The following EDNRB variants were observed in gnomAD, a reference collection of about 807,000 sequenced individuals.
EDNRB encodes endothelin receptor type B.
Under a neutral mutation model 46.4 loss-of-function variants are expected in EDNRB, and 18 were observed. The ratio of observed to expected loss-of-function variants is 0.39; its 90% CI spans 0.27 to 0.57. The LOEUF is 0.57. Among genes scored for constraint, EDNRB ranks in the 20% least tolerant of loss-of-function variants. The pLI, the probability that EDNRB is intolerant of heterozygous loss-of-function variation, is 0.61. For missense variants in EDNRB, 434 were observed against 537.5 expected (o/e 0.81, Z 1.90); for synonymous variants, 213 against 204.9 (o/e 1.04, Z -0.34).
intron 1 of EDNRB, among the ~76,000 whole-genome samples, chr13:77,930,738 T>C (rs1240785218): frequency 6.6e-6 from 1 of 152,214 alleles, no homozygotes; most frequent in Non-Finnish European, 1.5e-5. Context: ...TTTATTGATA[T>C]ATCTGCAATA....
intron 1 of EDNRB, among the ~76,000 whole-genome samples, chr13:77,904,441 A>G (rs1879170518): frequency 6.6e-6 from 1 of 151,878 alleles, no homozygotes; most frequent in Admixed American, 6.6e-5. Flanking sequence ...AAGACAGACT[A>G]TGAGCTCCAC....
chr13:77,899,083 C>T (rs1256132142), intron 6 of EDNRB, among the ~76,000 whole-genome samples: 4 of 151,764 alleles, frequency 2.6e-5, no homozygotes. Context: ...GAGAAGTCCA[C>T]TGTTTTATGT....
rs1426959410 is a variant in EDNRB at position 77,933,254 on chromosome 13, C to CA, written c.-51-14631dup. ...GCGTCCGTGTGAAGAGACCACCAAA[C>CA]AGGCTTTGTGTGAGCAATAAAGCTT... On this transcript the variant is annotated intron_variant, in intron 1 of 7. Coordinates refer to the EDNRB transcript ENST00000646948. 9.2e-5 allele frequency among the ~76,000 whole-genome samples: 14 copies of CA among 152,314 alleles called. No homozygotes were observed. The East Asian group carries it at 2.1e-3, about 23-fold the overall frequency.
intron 1 of EDNRB, among the ~76,000 whole-genome samples, chr13:77,945,893 A>T (rs200804476): frequency 7.2e-6 from 1 of 139,070 alleles, no homozygotes; most frequent in Non-Finnish European, 1.6e-5. Context: ...AAAAAAAAAA[A>T]CAAAAAAAAC....
At chr13:77,962,930 G>A (rs559884757) in intron 1 of EDNRB, among the ~76,000 whole-genome samples, 19 of 152,220 alleles carry the variant, frequency 1.2e-4, no homozygotes, top group African/African-American at 4.6e-4. Context: ...AAAGTCTCAG[G>A]ATACAAAATC....
At chr13:77,926,944 G>A (rs1240092123) in intron 1 of EDNRB, among the ~76,000 whole-genome samples, 1 of 152,196 alleles carries the variant, frequency 6.6e-6, no homozygotes, top group Non-Finnish European at 1.5e-5. Context: ...AGAAACCTGT[G>A]ATAAAACCAT....
chr13:77,908,445 A>T (rs62878560), intron 1 of EDNRB, among the ~76,000 whole-genome samples: 3 of 139,832 alleles, frequency 2.1e-5, no homozygotes, highest in African/African-American at 8.0e-5. Flanking sequence ...AAAAAAAAAA[A>T]TTCACTCTCA....
chr13:77,974,227 A>C (rs1881819204), intron 1 of EDNRB, among the ~76,000 whole-genome samples: 1 of 151,994 alleles, frequency 6.6e-6, no homozygotes, highest in African/African-American at 2.4e-5. Context: ...TTAGTAAGCT[A>C]CTTTTTTGCT....
At chr13:77,928,637 A>C (rs772874295) in intron 1 of EDNRB, among the ~76,000 whole-genome samples, 1 of 152,226 alleles carries the variant, frequency 6.6e-6, no homozygotes. Context: ...TGAATTTGCC[A>C]GAAAAATACA....
chr13:77,926,072 C>T (rs1356201841), intron 1 of EDNRB, among the ~76,000 whole-genome samples: 2 of 152,184 alleles, frequency 1.3e-5, no homozygotes, highest in African/African-American at 2.4e-5. Context: ...GTCAATTTCT[C>T]CCATTTGGAA....
At chr13:77,898,587 T>C (rs1456884437) in intron 6 of EDNRB, among the ~76,000 whole-genome samples, 1 of 152,022 alleles carries the variant, frequency 6.6e-6, no homozygotes, top group Admixed American at 6.6e-5. Flanking sequence ...CACTTTTAAT[T>C]GATATTTACT....
intron 1 of EDNRB, among the ~76,000 whole-genome samples, chr13:77,913,246 G>T (rs1044818131): frequency 6.6e-6 from 1 of 152,054 alleles, no homozygotes; most frequent in Non-Finnish European, 1.5e-5. Flanking sequence ...TGACATACCA[G>T]CATTTTAATG....
At chr13:77,908,832 G>A (rs908559719) in intron 1 of EDNRB, among the ~76,000 whole-genome samples, 15 of 151,914 alleles carry the variant, frequency 9.9e-5, no homozygotes, top group African/African-American at 3.1e-4. Context: ...ACACTATGTC[G>A]CTTCCACATA....
chr13:77,917,258 T>C (rs1007520418), intron 1 of EDNRB, among the ~76,000 whole-genome samples: 6 of 152,210 alleles, frequency 3.9e-5, no homozygotes, highest in African/African-American at 1.4e-4. Flanking sequence ...ATCTGTAAAC[T>C]AATTGTAATA....
At chr13:77,959,636 C>G (rs1284804362) in intron 1 of EDNRB, among the ~76,000 whole-genome samples, 1 of 152,238 alleles carries the variant, frequency 6.6e-6, no homozygotes, top group African/African-American at 2.4e-5. Flanking sequence ...TAGAATGCCT[C>G]TCACCCTCTA....
upstream of EDNRB, chr13:77,918,946 A>T: frequency 1.7e-6 from 2 of 1,143,192 alleles, no homozygotes; most frequent in Non-Finnish European, 2.2e-6. This position sits in a 1 kb window ranked among gnomAD's most constrained non-coding sequence, Gnocchi z 4.5. Context: ...TCTTTCACGT[A>T]ACGGGAGGAA....
chr13:77,924,419 G>A (rs543235171), upstream of EDNRB, among the ~76,000 whole-genome samples: 1 of 152,282 alleles, frequency 6.6e-6, no homozygotes, highest in Non-Finnish European at 1.5e-5. Flanking sequence ...TGCAAAGCTG[G>A]CATTTGAGGG....
intron 3 of EDNRB, 122 bp from the exon 4 acceptor site, chr13:77,901,329 A>T: frequency 9.3e-7 from 1 of 1,072,798 alleles, no homozygotes; most frequent in Non-Finnish European, 1.4e-6. Context: ...TCCAGTTTGT[A>T]TATATCATAC....
intron 1 of EDNRB, among the ~76,000 whole-genome samples, chr13:77,925,189 G>A (rs1452582446): frequency 2.0e-5 from 3 of 152,140 alleles, no homozygotes; most frequent in Admixed American, 6.5e-5. Context: ...TTAGCTTAAT[G>A]TCCTCAAGGT....
Sources: allele counts gnomAD v4.1 joint callset (sites outside exome capture counted in the v4.1 genomes callset), GRCh38; gene constraint gnomAD v4.1.1; non-coding constraint Gnocchi (gnomAD v3.1); transcripts MANE v1.5; gene names NCBI Gene and HGNC (gene_info 2026-07-23, HGNC 2026-07-21).